The following MCF2L variants were observed in gnomAD, a reference collection of about 807,000 sequenced individuals.
MCF2L encodes guanine nucleotide exchange factor DBS.
MCF2L carries 97 observed loss-of-function variants against 153.4 expected under a neutral mutation model. The observed-to-expected ratio is 0.63, with a 90% confidence interval of 0.54 to 0.75. The LOEUF (loss-of-function observed/expected upper bound fraction) is 0.75. MCF2L is among the 30% of genes least tolerant of loss of function. The pLI, the probability that MCF2L is intolerant of heterozygous loss-of-function variation, is 0.00. For missense variants in MCF2L, 1,347 were observed against 1,495.2 expected (o/e 0.90, Z 1.64); for synonymous variants, 659 against 632.2 (o/e 1.04, Z -0.64).
intron 2 of MCF2L, among the ~76,000 whole-genome samples, chr13:112,962,295 A>C (rs2081840962): frequency 6.6e-6 from 1 of 152,052 alleles, no homozygotes; most frequent in African/African-American, 2.4e-5. Context: ...ACACGCATGT[A>C]CACACACTCA....
chr13:113,080,242 G>A lies in MCF2L; in HGVS notation c.1809-971G>A, dbSNP rs111723909. The stretch of plus-strand genomic sequence containing the variant: ...GCAGGAGAGTGTTCGTATGGAGGAG[G>A]GTCCAGGCAGAGGAGTGTCTGTACG... On this transcript the variant is annotated intron_variant, in intron 15 of 29. Coordinates refer to ENST00000535094, the MANE Select transcript of MCF2L (RefSeq NM_001112732.3). Among the ~76,000 whole-genome samples the A allele has an allele frequency of 1.5e-3, 205 of 133,850 alleles. 2 individuals are homozygous for A. In the South Asian group the frequency reaches 0.018, roughly 12 times the overall value. The allele number at this position is 133,850 out of a possible 152,430, so 87.8% of individuals were successfully genotyped here. A position where few individuals can be genotyped will look rare whatever the true frequency, so the allele number is the denominator to read the frequency against.
intron 3 of MCF2L, chr13:113,044,650 C>G (rs2086690880): frequency 6.2e-7 from 1 of 1,610,620 alleles, no homozygotes; most frequent in African/African-American, 1.3e-5. Context: ...CTCTGTGACT[C>G]AGGCTTCTAC....
chr13:112,914,816 G>C (rs2081273775), intron 2 of MCF2L, among the ~76,000 whole-genome samples: 1 of 151,594 alleles, frequency 6.6e-6, no homozygotes, highest in Non-Finnish European at 1.5e-5. Flanking sequence ...AGGGAGTTTA[G>C]CTGTAGTGAT....
At chr13:113,015,713 G>A (rs887110518) in intron 2 of MCF2L, among the ~76,000 whole-genome samples, 1 of 152,206 alleles carries the variant, frequency 6.6e-6, no homozygotes, top group Non-Finnish European at 1.5e-5. Context: ...GACCAAAATC[G>A]AAGAGACAGC....
At chr13:113,004,976 G>A (rs185337659) in intron 1 of MCF2L, among the ~76,000 whole-genome samples, 23 of 152,300 alleles carry the variant, frequency 1.5e-4, no homozygotes, top group African/African-American at 4.8e-4. Context: ...GAGCACTGTC[G>A]TTGGAGCCAG....
At chr13:113,001,619 C>T in intron 1 of MCF2L, 1 of 1,191,820 alleles carries the variant, frequency 8.4e-7, no homozygotes, top group South Asian at 2.6e-5. Flanking sequence ...ACACCAGGAA[C>T]CTGAAGCCTC....
intron 4 of MCF2L, among the ~76,000 whole-genome samples, chr13:113,055,863 G>A (rs1031384232): frequency 6.6e-6 from 1 of 152,114 alleles, no homozygotes; most frequent in Non-Finnish European, 1.5e-5. Flanking sequence ...CAGAGAGGGC[G>A]CAGATGCAGG....
upstream of MCF2L, among the ~76,000 whole-genome samples, chr13:112,968,142 T>TG (rs757286592): frequency 0.41 from 24,203 of 59,434 alleles, 6,582 homozygotes; most frequent in African/African-American, 0.53. Flanking sequence ...GGGAGTGAGG[T>TG]GGGGGGGGGG....
rs1055128984 is a variant in MCF2L, at chr13:113,054,819, G to A, written c.370-5774G>A. The A allele has an allele frequency of 2.0e-5, 3 of 152,198 alleles. No homozygotes were observed. The highest frequency in any genetic ancestry group is 6.5e-5 in the Admixed American group (1 of 15,284). The allele number at this position is 152,198 out of a possible 1,614,324, so 9.4% of individuals were successfully genotyped here. A position where few individuals can be genotyped will look rare whatever the true frequency, so the allele number is the denominator to read the frequency against. On this transcript the variant is annotated intron_variant, in intron 4 of 29. Coordinates refer to ENST00000535094, the MANE Select transcript of MCF2L (RefSeq NM_001112732.3). This position sits in a 1 kb window ranked among gnomAD's most constrained non-coding sequence, Gnocchi z 5.2. ...CTGAGTCTCTAAGAATATTAACTCA[G>A]AAACCAGTGAACTCTTTTTCTATCT...
chr13:113,085,823 CCGGGTGG>C (rs2034585224), intron 20 of MCF2L, among the ~76,000 whole-genome samples: 2 of 75,562 alleles, frequency 2.6e-5, no homozygotes, highest in Admixed American at 1.1e-4. Flanking sequence ...CACCTGGCAT[CCGGGTGG>C]CAGGAGGGAG....
chr13:113,044,879 C>G (rs1455408890), intron 3 of MCF2L: 2 of 1,612,908 alleles, frequency 1.2e-6, no homozygotes, highest in South Asian at 1.1e-5. Context: ...GATGCCAGGA[C>G]CGGCGTGATG....
chr13:113,006,001 G>A (rs996995094), intron 1 of MCF2L, among the ~76,000 whole-genome samples: 10 of 152,292 alleles, frequency 6.6e-5, no homozygotes, highest in Middle Eastern at 6.8e-3. Context: ...CATCGGACTC[G>A]AAGCTCCCTG....
intron 4 of MCF2L, among the ~76,000 whole-genome samples, chr13:113,058,601 CT>C (rs1396453136): frequency 1.3e-5 from 2 of 148,420 alleles, no homozygotes; most frequent in Middle Eastern, 3.7e-3. Context: ...TGTTTGGGTG[CT>C]GAGTGTTTAG....
Position 112,988,968 on chromosome 13 carries a change from T to C in MCF2L, c.79+19510T>C, listed in dbSNP as rs9577411. On this transcript the variant is annotated intron_variant, in intron 1 of 29. Transcript: ENST00000535094. ...ACATGGAGCTATCACGCCTGAGTCC[T>C]CCCTGAGCAGGGGATGGAACTACCA... Among the ~76,000 whole-genome samples, 384 of 137,056 alleles carry C rather than the reference T, an allele frequency of 2.8e-3. 15 individuals are homozygous for C. In the East Asian group the frequency reaches 0.067, roughly 24 times the overall value. 89.9% of individuals were successfully genotyped at this position (137,056 alleles called of 152,430 possible).
At chr13:113,044,744 T>G (rs760029046) in intron 3 of MCF2L, 30 of 1,612,684 alleles carry the variant, frequency 1.9e-5, no homozygotes, top group Non-Finnish European at 2.5e-5. Flanking sequence ...TCGCAGAGAG[T>G]GCTGCCTCCT....
Position 112,969,288 on chromosome 13 carries a change from C to T in MCF2L, c.-92C>T. On this transcript the variant is annotated 5_prime_UTR_variant, in exon 1 of 30. Coordinates refer to ENST00000535094, the MANE Select transcript of MCF2L (RefSeq NM_001112732.3). This position sits in a 1 kb window ranked among gnomAD's most constrained non-coding sequence, Gnocchi z 4.8. ...GCCGTGGCCCCCTCCCCGCCTCCGC[C>T]GCGCCCCCTCCGCACTCGCACGGCC... 2.0e-6 allele frequency: 3 copies of T among 1,514,356 alleles called. No homozygotes were observed. The highest frequency in any genetic ancestry group is 2.7e-6 in the Non-Finnish European group (3 of 1,124,862). The allele number at this position is 1,514,356 out of a possible 1,614,324, so 93.8% of individuals were successfully genotyped here.
In MCF2L at chr13:113,056,792, GTGTT is replaced by G. The variant is rs376082657; in HGVS notation, c.370-3798_370-3795del. On this transcript the variant is annotated intron_variant, in intron 4 of 29. Coordinates refer to ENST00000535094, the MANE Select transcript of MCF2L (RefSeq NM_001112732.3). Reference sequence around the variant, plus strand: ...TGGGTGCTGAGTGTTTTGGCACTGAGTGTTTGGGTGCTGTGTGTTTGGGTGCTGA... The same window carrying G: ...TGGGTGCTGAGTGTTTTGGCACTGAGTGGGTGCTGTGTGTTTGGGTGCTGA... Among the ~76,000 whole-genome samples the G allele has an allele frequency of 8.6e-3, 1,097 of 127,600 alleles. 135 individuals carry two copies. Among genetic ancestry groups the G allele is most frequent in the African/African-American group, 0.03 (758 of 25,244 alleles). 83.7% of individuals were successfully genotyped at this position (127,600 alleles called of 152,430 possible). A position where few individuals can be genotyped will look rare whatever the true frequency, so the allele number is the denominator to read the frequency against.
At chr13:112,986,184 G>A (rs1391354005) in intron 1 of MCF2L, among the ~76,000 whole-genome samples, 1 of 150,204 alleles carries the variant, frequency 6.7e-6, no homozygotes, top group Non-Finnish European at 1.5e-5. Flanking sequence ...GTCGGGGTCT[G>A]ATCCTGCCTG....
At chr13:113,033,279 C>T (rs2085877642) in intron 3 of MCF2L, among the ~76,000 whole-genome samples, 1 of 128,220 alleles carries the variant, frequency 7.8e-6, no homozygotes, top group Admixed American at 8.0e-5. Context: ...GCGTGAGTGG[C>T]CCCTGTGACA....
Sources: allele counts gnomAD v4.1 joint callset (sites outside exome capture counted in the v4.1 genomes callset), GRCh38; gene constraint gnomAD v4.1.1; non-coding constraint Gnocchi (gnomAD v3.1); transcripts MANE v1.5; gene names NCBI Gene and HGNC (gene_info 2026-07-23, HGNC 2026-07-21).